Variants in HMGB1 observed in about 807,000 individuals in gnomAD.
The protein encoded by HMGB1 is high mobility group box 1.
For synonymous variants in HMGB1, 81 were observed against 84.0 expected (o/e 0.96, Z 0.19); for missense variants, 79 against 253.5 (o/e 0.31, Z 4.67).
chr13:30,585,761 T>C (rs1871118274), intron 1 of HMGB1, among the ~76,000 whole-genome samples: 1 of 152,162 alleles, frequency 6.6e-6, no homozygotes, highest in African/African-American at 2.4e-5. Flanking sequence ...TATCTGCAGG[T>C]TTATGACTAA....
chr13:30,512,299 G>A (rs1381842527), intron 1 of HMGB1, among the ~76,000 whole-genome samples: 1 of 152,164 alleles, frequency 6.6e-6, no homozygotes, highest in Non-Finnish European at 1.5e-5. Flanking sequence ...TGTAATTTAG[G>A]GAGCAGAGGC....
intron 1 of HMGB1, among the ~76,000 whole-genome samples, chr13:30,586,647 C>T (rs1871168213): frequency 6.6e-6 from 1 of 151,934 alleles, no homozygotes; most frequent in Admixed American, 6.6e-5. Context: ...CCACCATACC[C>T]AGCTAATTTT....
chr13:30,510,976 T>A (rs535576231), intron 1 of HMGB1, among the ~76,000 whole-genome samples: 3 of 152,248 alleles, frequency 2.0e-5, no homozygotes, highest in Non-Finnish European at 4.4e-5. Flanking sequence ...AATAGATAGT[T>A]TTTTACAAGT....
At chr13:30,569,797 A>T (rs1870350757) in intron 1 of HMGB1, among the ~76,000 whole-genome samples, 1 of 152,204 alleles carries the variant, frequency 6.6e-6, no homozygotes, top group Admixed American at 6.5e-5. Flanking sequence ...GGAAGATTAG[A>T]TAAAAAATGT....
intron 1 of HMGB1, chr13:30,464,053 G>C (rs1246686727): frequency 6.3e-6 from 6 of 954,396 alleles, no homozygotes; most frequent in Non-Finnish European, 7.5e-6. Context: ...CAAACCAAAG[G>C]TCAGAAAACA....
chr13:30,462,271 G>A, intron 4 of HMGB1: 2 of 465,424 alleles, frequency 4.3e-6, no homozygotes, highest in Non-Finnish European at 4.0e-6. Context: ...GACTTGAAGT[G>A]ACTACCAACA....
chr13:30,471,630 C>G (rs1433471208), intron 1 of HMGB1, among the ~76,000 whole-genome samples: 2 of 122,856 alleles, frequency 1.6e-5, no homozygotes, highest in Non-Finnish European at 3.2e-5. Context: ...GCTGGGATTA[C>G]AGGCATGAGC....
intron 1 of HMGB1, among the ~76,000 whole-genome samples, chr13:30,610,108 TCTAA>T (rs140255665): frequency 0.026 from 3,991 of 152,336 alleles, 115 homozygotes; most frequent in Middle Eastern, 0.099. Flanking sequence ...ACTTTTTTTC[TCTAA>T]CTTACTTTAT....
At chr13:30,538,479 TTTC>T (rs1868569580) in intron 1 of HMGB1, among the ~76,000 whole-genome samples, 2 of 32,352 alleles carry the variant, frequency 6.2e-5, no homozygotes, top group Admixed American at 7.0e-4. Flanking sequence ...TCTTTCTTTC[TTTC>T]TTTCTTTCTT....
intron 1 of HMGB1, among the ~76,000 whole-genome samples, chr13:30,508,266 C>T (rs1187734083): frequency 6.6e-6 from 1 of 152,122 alleles, no homozygotes; most frequent in Non-Finnish European, 1.5e-5. Flanking sequence ...AATCTCAGCG[C>T]TTTGGGAGGC....
intron 1 of HMGB1, among the ~76,000 whole-genome samples, chr13:30,503,590 T>C (rs1887784662): frequency 6.6e-6 from 1 of 151,412 alleles, no homozygotes; most frequent in African/African-American, 2.4e-5. Context: ...TAATTAGCCA[T>C]CTTCATTTGC....
chr13:30,617,444 G>A (rs1171355009), exon 1 of HMGB1: 1 of 151,902 alleles, frequency 6.6e-6, no homozygotes, highest in African/African-American at 2.4e-5. Context: ...CGGCGGAGAG[G>A]GTCCATGGCA....
chr13:30,461,559 CAGTA>C (rs1565993423), intron 4 of HMGB1, 26 bp from the exon 5 acceptor site: 7 of 1,573,556 alleles, frequency 4.4e-6, no homozygotes, highest in Non-Finnish European at 6.0e-6. Context: ...GAGGATAAAA[CAGTA>C]GGGAAGAAAA....
At chr13:30,601,217 C>T (rs1316167157) in intron 1 of HMGB1, among the ~76,000 whole-genome samples, 1 of 152,230 alleles carries the variant, frequency 6.6e-6, no homozygotes, top group East Asian at 1.9e-4. Context: ...AACTTCACCA[C>T]CTATCCCAAA....
At chr13:30,471,387 G>A (rs1886924665) in intron 1 of HMGB1, among the ~76,000 whole-genome samples, 1 of 151,874 alleles carries the variant, frequency 6.6e-6, no homozygotes, top group African/African-American at 2.4e-5. Context: ...CACTCTTGTT[G>A]CCTATGCTGG....
intron 1 of HMGB1, among the ~76,000 whole-genome samples, chr13:30,611,824 C>A (rs1950515249): frequency 6.7e-6 from 1 of 148,190 alleles, no homozygotes; most frequent in African/African-American, 2.5e-5. Context: ...CCCTTTAAAA[C>A]ATCCTTTATT....
intron 1 of HMGB1, among the ~76,000 whole-genome samples, chr13:30,504,288 T>C (rs1442226294): frequency 1.3e-5 from 2 of 152,226 alleles, no homozygotes; most frequent in African/African-American, 2.4e-5. Context: ...TGGTTTCTTA[T>C]CTTTTGACTC....
At chr13:30,486,491 A>C (rs1887366785) in intron 1 of HMGB1, among the ~76,000 whole-genome samples, 1 of 152,226 alleles carries the variant, frequency 6.6e-6, no homozygotes. Context: ...TACTGCTGCC[A>C]CAGCCCACAA....
At chr13:30,575,442 C>A (rs1870609593) in intron 1 of HMGB1, among the ~76,000 whole-genome samples, 1 of 152,170 alleles carries the variant, frequency 6.6e-6, no homozygotes, top group South Asian at 2.1e-4. Flanking sequence ...CTGTTCAATT[C>A]ATTAATACCT....
Sources: allele counts gnomAD v4.1 joint callset (sites outside exome capture counted in the v4.1 genomes callset), GRCh38; gene constraint gnomAD v4.1.1; transcripts MANE v1.5; gene names NCBI Gene and HGNC (gene_info 2026-07-23, HGNC 2026-07-21).